THOC5: variants seen among roughly 807,000 people sequenced by gnomAD.
THOC5 encodes the protein Fms-interacting protein.
A neutral mutation model predicts 92.9 loss-of-function variants in THOC5; 43 were observed. That is an observed-to-expected ratio of 0.46 (90% CI 0.36 to 0.60). The LOEUF (loss-of-function observed/expected upper bound fraction) is 0.60. Ranked by LOEUF, THOC5 falls within the 20% of genes least tolerant of loss-of-function variation. The pLI, the probability that THOC5 is intolerant of heterozygous loss-of-function variation, is 0.00. For synonymous variants in THOC5, 296 were observed against 320.1 expected (o/e 0.92, Z 0.80); for missense variants, 659 against 849.4 (o/e 0.78, Z 2.79).
In THOC5 at chr22:29,544,449, C is replaced by T. The variant is rs1222243320; in HGVS notation, c.240+11G>A. On this transcript the variant is annotated intron_variant, in intron 3 of 19. Transcript: ENST00000490103. Reference sequence around the variant, plus strand: ...CCACCAGGTTCACGGCCACCTGGTCCCACTCCTTACCACATCCTTGCCACC... The same window carrying T: ...CCACCAGGTTCACGGCCACCTGGTCTCACTCCTTACCACATCCTTGCCACC... 6.2e-7 allele frequency: 1 copy of T among 1,611,034 alleles called. No individual in the cohort carries two copies. The highest frequency in any genetic ancestry group is 2.2e-5 in the East Asian group (1 of 44,760).
At chr22:29,542,068 A>G (rs1241565299) in intron 5 of THOC5, among the ~76,000 whole-genome samples, 1 of 151,538 alleles carries the variant, frequency 6.6e-6, no homozygotes, top group African/African-American at 2.4e-5. Flanking sequence ...CTCATCTCTC[A>G]GCTTGGTTTT....
chr22:29,517,248 C>T lies in THOC5; in HGVS notation c.1593+15G>A, dbSNP rs757905197. 2.2e-5 allele frequency: 35 copies of T among 1,612,552 alleles called. No homozygotes were observed. The Admixed American group carries it at 5.7e-4, about 26-fold the overall frequency. ...CCTCAGGACAGTAAGGGTAACTTGT[C>T]ACTCCTTCACCTACCATGTAATCCT... On this transcript the variant is annotated intron_variant, in intron 16 of 19. Coordinates refer to ENST00000490103, the MANE Select transcript of THOC5 (RefSeq NM_003678.5).
chr22:29,540,757 C>G (rs1255575937), intron 5 of THOC5, among the ~76,000 whole-genome samples: 1 of 152,174 alleles, frequency 6.6e-6, no homozygotes, highest in East Asian at 1.9e-4. Context: ...ACCCTTCACC[C>G]AATGATACTA....
intron 12 of THOC5, among the ~76,000 whole-genome samples, chr22:29,524,905 G>A (rs2063513842): frequency 6.6e-6 from 1 of 152,178 alleles, no homozygotes; most frequent in Non-Finnish European, 1.5e-5. Flanking sequence ...TCAGGGCAGT[G>A]CTCTTGTGAA....
intron 5 of THOC5, among the ~76,000 whole-genome samples, chr22:29,540,889 C>T (rs574475203): frequency 1.2e-4 from 19 of 152,086 alleles, no homozygotes; most frequent in Non-Finnish European, 2.4e-4. Context: ...TGTTATGTGA[C>T]GATTTTGTGG....
At chr22:29,512,434 T>C (rs2063243202) in intron 17 of THOC5, among the ~76,000 whole-genome samples, 1 of 152,232 alleles carries the variant, frequency 6.6e-6, no homozygotes. Flanking sequence ...ATTTGCTACT[T>C]TGATAGAAGT....
At chr22:29,552,622 G>A (rs1438033646) in intron 1 of THOC5, among the ~76,000 whole-genome samples, 2 of 150,056 alleles carry the variant, frequency 1.3e-5, no homozygotes, top group Non-Finnish European at 3.0e-5. Context: ...GTCGGGGGTA[G>A]GGGGGCGCCT....
At chr22:29,552,650 C>T (rs1465345598) in intron 1 of THOC5, among the ~76,000 whole-genome samples, 1 of 151,296 alleles carries the variant, frequency 6.6e-6, no homozygotes, top group Non-Finnish European at 1.5e-5. Context: ...GCCGCCACCC[C>T]GTCCGGGAGG....
intron 7 of THOC5, chr22:29,535,900 C>T (rs2146522763): frequency 6.6e-6 from 1 of 152,232 alleles, no homozygotes; most frequent in Admixed American, 6.5e-5. Context: ...GTCTCAAACT[C>T]CTGGGCTCAA....
intron 11 of THOC5, among the ~76,000 whole-genome samples, chr22:29,527,813 A>G (rs1233195530): frequency 6.6e-6 from 1 of 152,204 alleles, no homozygotes; most frequent in Non-Finnish European, 1.5e-5. Flanking sequence ...CTTGTTCTAG[A>G]TATTTGACTT....
At chr22:29,515,296 C>T (rs1306323819) in intron 17 of THOC5, among the ~76,000 whole-genome samples, 3 of 152,188 alleles carry the variant, frequency 2.0e-5, no homozygotes, top group African/African-American at 7.2e-5. Flanking sequence ...CCCACCTCAG[C>T]CTCCCAGAAT....
At chr22:29,521,646 A>G (rs1390831129) in intron 12 of THOC5, among the ~76,000 whole-genome samples, 2 of 152,214 alleles carry the variant, frequency 1.3e-5, no homozygotes, top group Non-Finnish European at 2.9e-5. Flanking sequence ...GTATGTTCCC[A>G]GAAAAAGATA....
chr22:29,538,566 G>A (rs2146531283), intron 6 of THOC5, among the ~76,000 whole-genome samples: 1 of 152,000 alleles, frequency 6.6e-6, no homozygotes, highest in East Asian at 1.9e-4. Flanking sequence ...GGGAGGCCAA[G>A]GTGGGAGGAT....
intron 6 of THOC5, among the ~76,000 whole-genome samples, chr22:29,539,121 A>C (rs1175840374): frequency 3.3e-5 from 5 of 151,730 alleles, no homozygotes; most frequent in South Asian, 4.2e-4. Flanking sequence ...AAAAAAAAAA[A>C]AAAAAAAAAA....
chr22:29,536,879 C>T (rs1446287398), intron 6 of THOC5, 141 bp from the exon 7 acceptor site: 2 of 625,286 alleles, frequency 3.2e-6, no homozygotes, highest in African/African-American at 3.6e-5. Context: ...GTGCCAGGTA[C>T]TTTGGTGAGC....
intron 11 of THOC5, among the ~76,000 whole-genome samples, chr22:29,526,607 G>A (rs369538518): frequency 5.3e-5 from 8 of 151,880 alleles, no homozygotes; most frequent in Admixed American, 2.6e-4. Context: ...TCTTTGCTAC[G>A]CTTCCCACCA....
chr22:29,551,786 C>T (rs890451328), intron 1 of THOC5, among the ~76,000 whole-genome samples: 2 of 136,742 alleles, frequency 1.5e-5, no homozygotes, highest in African/African-American at 5.4e-5. Flanking sequence ...TTTAGTAAAC[C>T]CCTCCCCCTC....
chr22:29,537,978 C>T (rs1189915665), intron 6 of THOC5, among the ~76,000 whole-genome samples: 5 of 152,068 alleles, frequency 3.3e-5, no homozygotes, highest in Non-Finnish European at 7.4e-5. Context: ...TGACTTGAAG[C>T]ATTATTTATT....
At chr22:29,533,191 C>G (rs535692014) in intron 7 of THOC5, among the ~76,000 whole-genome samples, 1 of 152,298 alleles carries the variant, frequency 6.6e-6, no homozygotes, top group South Asian at 2.1e-4. Flanking sequence ...CAACCTGATT[C>G]TGAAACTTGT....
Sources: gnomAD v4.1 joint callset for allele counts (sites outside exome capture counted in the v4.1 genomes callset) on GRCh38, gnomAD v4.1.1 for gene constraint, MANE v1.5 for transcripts, NCBI Gene and HGNC (gene_info 2026-07-23, HGNC 2026-07-21) for gene names.